The following TNFSF4 variants were observed in gnomAD, a reference collection of about 807,000 sequenced individuals.
TNFSF4 encodes the protein tumor necrosis factor ligand superfamily member 4.
TNFSF4 carries 4 observed loss-of-function variants against 7.3 expected under a neutral mutation model. That is an observed-to-expected ratio of 0.55 (90% confidence interval 0.27 to 1.25). TNFSF4 has a LOEUF of 1.25. Among genes scored for constraint, TNFSF4 ranks in the 50% most tolerant of loss-of-function variants. TNFSF4 has a pLI of 0.12. For missense variants in TNFSF4, 181 were observed against 208.8 expected (o/e 0.87, Z 0.82); for synonymous variants, 76 against 83.7 (o/e 0.91, Z 0.50).
chr1:173,275,162 A>G, the TNFSF4 span, among the ~76,000 whole-genome samples: 9 of 152,080 alleles, frequency 5.9e-5, no homozygotes, highest in African/African-American at 2.2e-4. Context: ...CGTGTTCTCT[A>G]TATGTCCCTT....
chr1:173,352,468 G>C, the TNFSF4 span, among the ~76,000 whole-genome samples: 2 of 152,138 alleles, frequency 1.3e-5, no homozygotes, highest in South Asian at 4.1e-4. Context: ...GTGTCCGGGG[G>C]AGACATCACA....
chr1:173,380,535 A>G, the TNFSF4 span, among the ~76,000 whole-genome samples: 7 of 152,158 alleles, frequency 4.6e-5, no homozygotes, highest in Non-Finnish European at 7.4e-5. Flanking sequence ...AAAAATCATC[A>G]TCTCCTCCCT....
At chr1:173,195,895 C>T (rs1486104903) in intron 1 of TNFSF4, among the ~76,000 whole-genome samples, 1 of 152,154 alleles carries the variant, frequency 6.6e-6, no homozygotes, top group African/African-American at 2.4e-5. Context: ...GGAGTGGGGA[C>T]TCCCCAGTTC....
chr1:173,413,137 T>A, the TNFSF4 span, among the ~76,000 whole-genome samples: 1 of 152,160 alleles, frequency 6.6e-6, no homozygotes, highest in African/African-American at 2.4e-5. Flanking sequence ...GGGAGACAAC[T>A]AATTTCTAAT....
chr1:173,191,273 A>G (rs918478960), intron 1 of TNFSF4, among the ~76,000 whole-genome samples: 3 of 152,182 alleles, frequency 2.0e-5, no homozygotes, highest in Admixed American at 2.0e-4. Context: ...CAGTAGATCA[A>G]CCTGGAGGAA....
the TNFSF4 span, among the ~76,000 whole-genome samples, chr1:173,439,139 T>A: frequency 6.6e-6 from 1 of 152,132 alleles, no homozygotes; most frequent in Non-Finnish European, 1.5e-5. Context: ...GTAGATTGAG[T>A]TCACTGTATC....
the TNFSF4 span, among the ~76,000 whole-genome samples, chr1:173,438,253 T>C: frequency 6.6e-6 from 1 of 152,156 alleles, no homozygotes; most frequent in African/African-American, 2.4e-5. Flanking sequence ...AATAAATAAA[T>C]ACATTTTATA....
At chr1:173,399,320 A>T in the TNFSF4 span, among the ~76,000 whole-genome samples, 504 of 152,360 alleles carry the variant, frequency 3.3e-3, 1 homozygote, top group African/African-American at 8.4e-3. Context: ...ATGATTCTGC[A>T]TAATACACAG....
chr1:173,329,394 T>C, the TNFSF4 span, among the ~76,000 whole-genome samples: 1 of 152,182 alleles, frequency 6.6e-6, no homozygotes, highest in Non-Finnish European at 1.5e-5. Flanking sequence ...AAAAATAGCC[T>C]GTACATGTTC....
chr1:173,446,512 A>T, the TNFSF4 span, among the ~76,000 whole-genome samples: 1 of 152,214 alleles, frequency 6.6e-6, no homozygotes, highest in African/African-American at 2.4e-5. Flanking sequence ...GATTGAATTG[A>T]AGGATGCAAA....
At chr1:173,192,238 C>A (rs891278019) in intron 1 of TNFSF4, among the ~76,000 whole-genome samples, 2 of 152,200 alleles carry the variant, frequency 1.3e-5, no homozygotes, top group African/African-American at 4.8e-5. Context: ...TATTCCCATA[C>A]AAGTATTTAA....
the TNFSF4 span, among the ~76,000 whole-genome samples, chr1:173,272,571 G>A: frequency 1.3e-5 from 2 of 152,056 alleles, no homozygotes; most frequent in Non-Finnish European, 2.9e-5. Flanking sequence ...ACATTGTCAT[G>A]GTGAAAAAGG....
the TNFSF4 span, among the ~76,000 whole-genome samples, chr1:173,292,997 A>G: frequency 6.6e-6 from 1 of 152,092 alleles, no homozygotes; most frequent in Non-Finnish European, 1.5e-5. Flanking sequence ...TGAGGTGACA[A>G]AAATAAATGG....
the TNFSF4 span, among the ~76,000 whole-genome samples, chr1:173,177,117 CTAAAA>C: frequency 6.6e-6 from 1 of 152,112 alleles, no homozygotes; most frequent in African/African-American, 2.4e-5. Context: ...AGCCCTGAAC[CTAAAA>C]TAAAAGTTTT....
At chr1:173,174,987 T>C in the TNFSF4 span, 1 of 152,256 alleles carries the variant, frequency 6.6e-6, no homozygotes, top group Non-Finnish European at 1.5e-5. Context: ...CATCTTTCTT[T>C]ACTCCTTTTA....
upstream of TNFSF4, among the ~76,000 whole-genome samples, chr1:173,209,631 A>C (rs151219558): frequency 6.8e-4 from 104 of 152,170 alleles, no homozygotes; most frequent in East Asian, 0.019. Flanking sequence ...CAGCCTCCCA[A>C]GTAGCTAGGA....
the TNFSF4 span, chr1:173,417,725 C>G: frequency 6.6e-6 from 1 of 152,144 alleles, no homozygotes; most frequent in Non-Finnish European, 1.5e-5. Context: ...TACAGATTCA[C>G]CTACACACAC....
At chr1:173,378,378 G>A in the TNFSF4 span, among the ~76,000 whole-genome samples, 1 of 152,298 alleles carries the variant, frequency 6.6e-6, no homozygotes, top group South Asian at 2.1e-4. Context: ...GACCGTTGTG[G>A]GTCCTTGGGC....
the TNFSF4 span, among the ~76,000 whole-genome samples, chr1:173,283,497 G>T: frequency 6.6e-6 from 1 of 152,092 alleles, no homozygotes; most frequent in Non-Finnish European, 1.5e-5. Context: ...GCAACCTCTT[G>T]GCTGCTAGCA....
Sources: allele counts gnomAD v4.1 joint callset (sites outside exome capture counted in the v4.1 genomes callset), GRCh38; gene constraint gnomAD v4.1.1; transcripts MANE v1.5; gene names NCBI Gene and HGNC (gene_info 2026-07-23, HGNC 2026-07-21).